ERBB4: variants seen among roughly 807,000 people sequenced by gnomAD.
The protein encoded by ERBB4 is receptor tyrosine-protein kinase erbB-4.
ERBB4 carries 42 observed loss-of-function variants against 158.0 expected under a neutral mutation model. The observed-to-expected ratio is 0.27, with a 90% confidence interval of 0.21 to 0.34. The LOEUF (loss-of-function observed/expected upper bound fraction) is 0.34. ERBB4 is among the 10% of genes least tolerant of loss of function. The probability of loss-of-function intolerance (pLI) is 1.00; values close to 1 mark genes in which losing one functional copy is unlikely to be tolerated. For synonymous variants in ERBB4, 583 were observed against 558.7 expected (o/e 1.04, Z -0.61); for missense variants, 1,333 against 1,624.1 (o/e 0.82, Z 3.08).
chr2:212,446,591 G>GTGTATATATA (rs2092355369), intron 1 of ERBB4, among the ~76,000 whole-genome samples: 3 of 27,518 alleles, frequency 1.1e-4, no homozygotes, highest in South Asian at 1.4e-3. Context: ...ATATATATAT[G>GTGTATATATA]TATATATATA....
At chr2:211,623,810 T>G in intron 18 of ERBB4, 112 bp downstream of exon 18, 1 of 1,045,938 alleles carries the variant, frequency 9.6e-7, no homozygotes. Context: ...AAGTCTTCCT[T>G]TCTGAATATT....
chr2:212,423,637 C>T (rs1028627809), intron 1 of ERBB4, among the ~76,000 whole-genome samples: 11 of 152,258 alleles, frequency 7.2e-5, no homozygotes, highest in African/African-American at 2.4e-4. Context: ...TTAATTGCTA[C>T]CCATATAGCA....
intron 2 of ERBB4, among the ~76,000 whole-genome samples, chr2:212,056,659 T>G (rs2077582080): frequency 6.6e-6 from 1 of 152,186 alleles, no homozygotes; most frequent in African/African-American, 2.4e-5. Context: ...CAACCCAGAA[T>G]TTCATATCCA....
intron 3 of ERBB4, among the ~76,000 whole-genome samples, chr2:211,810,534 C>T (rs1057063012): frequency 6.6e-6 from 1 of 151,758 alleles, no homozygotes; most frequent in Non-Finnish European, 1.5e-5. Flanking sequence ...TTTTGCTTTC[C>T]ATTTGCTTGG....
intron 3 of ERBB4, among the ~76,000 whole-genome samples, chr2:211,928,895 T>C (rs2080092119): frequency 6.6e-6 from 1 of 152,164 alleles, no homozygotes; most frequent in Admixed American, 6.5e-5. Context: ...AGGTGTAAGT[T>C]TGGGGTGACA....
chr2:212,081,102 A>G (rs928588081), intron 2 of ERBB4, among the ~76,000 whole-genome samples: 5 of 152,186 alleles, frequency 3.3e-5, no homozygotes, highest in African/African-American at 1.2e-4. Context: ...TCTGACATTC[A>G]TGGCTCACAG....
intron 2 of ERBB4, among the ~76,000 whole-genome samples, chr2:211,971,503 C>T (rs950444978): frequency 3.3e-5 from 5 of 152,170 alleles, no homozygotes; most frequent in South Asian, 2.1e-4. Flanking sequence ...ACCATTCCTA[C>T]TGAAACTATT....
At chr2:212,227,008 G>A (rs984602159) in intron 1 of ERBB4, among the ~76,000 whole-genome samples, 6 of 152,122 alleles carry the variant, frequency 3.9e-5, no homozygotes. Flanking sequence ...CACTCTAGAA[G>A]GCCGAGGCTG....
At position 211,536,945 on chromosome 2, in the gene ERBB4, A is replaced by G. The variant is rs57385391; in HGVS notation, c.2487+24958T>C. Among the ~76,000 whole-genome samples the G allele has an allele frequency of 4.2e-3, 626 of 149,296 alleles. 1 individual carries two copies. The highest frequency in any genetic ancestry group is 0.015 in the African/African-American group (593 of 39,580). On this transcript the variant is annotated intron_variant, in intron 20 of 27. Coordinates refer to ENST00000342788, the MANE Select transcript of ERBB4 (RefSeq NM_005235.3). ...AGGAAAAAACAAAACAAAACAAAAC[A>G]AAAAAAAACCACCTCTGTAAAGACA...
chr2:211,812,986 C>G (rs1193338054), intron 3 of ERBB4, among the ~76,000 whole-genome samples: 1 of 152,204 alleles, frequency 6.6e-6, no homozygotes, highest in Non-Finnish European at 1.5e-5. Flanking sequence ...AATCCCCTGA[C>G]CCTTTGCACT....
chr2:212,525,851 G>C (rs1451741018), intron 1 of ERBB4, among the ~76,000 whole-genome samples: 3 of 151,984 alleles, frequency 2.0e-5, no homozygotes, highest in Non-Finnish European at 2.9e-5. Context: ...AATTCTACCA[G>C]ATTCAAATCA....
rs545732472 is a variant in ERBB4 at position 211,994,426 on chromosome 2, C to A, written c.235-46810G>T. 9.2e-5 allele frequency among the ~76,000 whole-genome samples: 14 copies of A among 152,300 alleles called. No individual in the cohort carries two copies. The South Asian group carries it at 2.7e-3, about 29-fold the overall frequency. The stretch of plus-strand genomic sequence containing the variant: ...AGGATCACAGGCATGAACCACCATG[C>A]CTGGCTCAACGTAACTATTATAACT... On this transcript the variant is annotated intron_variant, in intron 2 of 27. Transcript: ENST00000342788.
At chr2:211,572,347 C>T (rs6732969) in intron 19 of ERBB4, among the ~76,000 whole-genome samples, 114,680 of 152,036 alleles carry the variant, frequency 0.75, 43,858 homozygotes, top group East Asian at 0.88. Flanking sequence ...CCAGGTATGA[C>T]GCTAACAATC....
In ERBB4 at chr2:211,815,424, C is replaced by G. The variant is rs1015315277; in HGVS notation, c.422-27265G>C. Among the ~76,000 whole-genome samples, 100 of 152,220 alleles carry G rather than the reference C, an allele frequency of 6.6e-4. 1 individual carries two copies. Among genetic ancestry groups the G allele is most frequent in the African/African-American group, 2.4e-3 (99 of 41,532 alleles). The stretch of plus-strand genomic sequence containing the variant: ...TTTGTCAAAAAATTCAGCAGTTCAC[C>G]TTTTCCCAAAAGAGTAAGGTAAAAA... On this transcript the variant is annotated intron_variant, in intron 3 of 27. Transcript: ENST00000342788.
Position 212,361,986 on chromosome 2 carries a change from A to G in ERBB4, c.82+176463T>C, listed in dbSNP as rs545342594. ...TAGGTTATATCCATTTAAAGCATAT[A>G]ATTTTGTATATACATAACATTTTAA... On this transcript the variant is annotated intron_variant, in intron 1 of 27. Transcript: ENST00000342788. Among the ~76,000 whole-genome samples the G allele has an allele frequency of 1.6e-4, 24 of 151,822 alleles. No homozygotes were observed. In the South Asian group the frequency reaches 5.0e-3, roughly 31 times the overall value.
At chr2:212,353,648 GAA>G (rs2089348298) in intron 1 of ERBB4, among the ~76,000 whole-genome samples, 1 of 83,186 alleles carries the variant, frequency 1.2e-5, no homozygotes, top group Non-Finnish European at 3.0e-5. Context: ...GATAAATGTT[GAA>G]AAAAGAGGAA....
intron 19 of ERBB4, among the ~76,000 whole-genome samples, chr2:211,579,274 C>T (rs537079420): frequency 1.8e-4 from 27 of 152,054 alleles, no homozygotes; most frequent in African/African-American, 4.8e-4. Context: ...GTCAGAATAG[C>T]GATTCTTAAA....
chr2:211,990,212 A>T (rs1471832845), intron 2 of ERBB4, among the ~76,000 whole-genome samples: 1 of 152,126 alleles, frequency 6.6e-6, no homozygotes, highest in African/African-American at 2.4e-5. Context: ...ATTTTTGTGT[A>T]GGTGACGAAT....
intron 12 of ERBB4, among the ~76,000 whole-genome samples, chr2:211,701,756 C>CAAAAAA (rs71409856): frequency 3.0e-4 from 20 of 66,622 alleles, no homozygotes; most frequent in African/African-American, 5.5e-4. Context: ...GACTCCGTCT[C>CAAAAAA]AAAAAAAAAA....
Sources: gnomAD v4.1 joint callset for allele counts (sites outside exome capture counted in the v4.1 genomes callset) on GRCh38, gnomAD v4.1.1 for gene constraint, MANE v1.5 for transcripts, NCBI Gene and HGNC (gene_info 2026-07-23, HGNC 2026-07-21) for gene names.